The following ZC3H18 variants were observed in gnomAD, a reference collection of about 807,000 sequenced individuals.
ZC3H18 encodes zinc finger CCCH-type containing 18, also known as zinc finger CCCH domain-containing protein 18.
Under a neutral mutation model 106.1 loss-of-function variants are expected in ZC3H18, and 8 were observed. The ratio of observed to expected loss-of-function variants is 0.08; its 90% CI spans 0.04 to 0.14. The LOEUF (loss-of-function observed/expected upper bound fraction) is 0.14, where lower values mean the gene tolerates loss of function less well. Ranked by LOEUF, ZC3H18 falls within the 10% of genes least tolerant of loss-of-function variation. The pLI, the probability that ZC3H18 is intolerant of heterozygous loss-of-function variation, is 1.00. For synonymous variants in ZC3H18, 635 were observed against 522.1 expected, an observed-to-expected ratio of 1.22 and a Z score of -2.95; for missense variants, 1,318 against 1,278.4, an observed-to-expected ratio of 1.03 and a Z score of -0.47.
chr16:88,630,324 T>C, intron 16 of ZC3H18, 161 bp from the exon 17 acceptor site: 1 of 590,290 alleles, frequency 1.7e-6, no homozygotes, highest in Non-Finnish European at 3.0e-6. Context: ...ACATCTCTCT[T>C]CTCCTACTTG....
intron 1 of ZC3H18, among the ~76,000 whole-genome samples, chr16:88,572,398 G>T (rs1914465254): frequency 6.6e-6 from 1 of 151,836 alleles, no homozygotes; most frequent in Admixed American, 6.6e-5. Flanking sequence ...CCTCCTCCTG[G>T]GCACTTATTT....
At chr16:88,593,485 C>T (rs1182406927) in intron 3 of ZC3H18, among the ~76,000 whole-genome samples, 1 of 152,300 alleles carries the variant, frequency 6.6e-6, no homozygotes, top group East Asian at 1.9e-4. Context: ...TTGGAATTTT[C>T]GATTTAGTAT....
Position 88,630,500 on chromosome 16 carries a change from A to G in ZC3H18, c.2582A>G (p.Lys861Arg), listed in dbSNP as rs775493116. ...TATCACCCAGGTTCTCGGGACCGGA[A>G]GTCAGGTGGGAGACTGGGCTCCCCG... ...TSPDRGSRDR[K>R]SGGRLGSPKP... The change falls in exon 17 of 18, where the codon AAG becomes AGG. Residue 861 changes from lysine (K) to arginine (R), a missense_variant. By Grantham distance (26) the Lys-to-Arg change is conservative. Coordinates refer to ENST00000301011, the MANE Select transcript of ZC3H18 (RefSeq NM_144604.4). The G allele has an allele frequency of 4.3e-5, 69 of 1,613,372 alleles. No homozygotes were observed. Among genetic ancestry groups the G allele is most frequent in the Non-Finnish European group, 5.5e-5 (65 of 1,179,922 alleles).
chr16:88,598,092 G>GCCCCCCCCCCCCC, intron 3 of ZC3H18, 86 bp from the exon 4 acceptor site: 7 of 349,610 alleles, frequency 2.0e-5, no homozygotes, highest in Middle Eastern at 6.5e-4. Flanking sequence ...CATGGCCTCT[G>GCCCCCCCCCCCCC]CCCCCTCCCA....
At chr16:88,628,191 T>A in intron 15 of ZC3H18, 72 bp downstream of exon 15, 1 of 1,554,156 alleles carries the variant, frequency 6.4e-7, no homozygotes, top group Non-Finnish European at 8.8e-7. Flanking sequence ...TGAGACAGCT[T>A]CCTCCTGGGG....
chr16:88,574,445 A>C (rs1567573731), intron 1 of ZC3H18, among the ~76,000 whole-genome samples: 1 of 150,540 alleles, frequency 6.6e-6, no homozygotes, highest in Non-Finnish European at 1.5e-5. Context: ...CTGACTTCGG[A>C]TGATCCACCT....
chr16:88,598,410 C>CCTTA lies in ZC3H18; in HGVS notation c.837+85_837+88dup, dbSNP rs1382646750. The CCTTA allele has an allele frequency of 5.2e-6, 8 of 1,531,936 alleles. No individual in the cohort carries two copies. In the African/African-American group the frequency reaches 1.1e-4, roughly 21 times the overall value. The allele number at this position is 1,531,936 out of a possible 1,614,324, so 94.9% of individuals were successfully genotyped here. A position where few individuals can be genotyped will look rare whatever the true frequency, so the allele number is the denominator to read the frequency against. Reference sequence around the variant, plus strand: ...CTCAAGCTTAAGACAAGTCACTGTGCCTTAGCACAGGCTCAGTGCCCCCTT... The same window carrying CCTTA: ...CTCAAGCTTAAGACAAGTCACTGTGCCTTACTTAGCACAGGCTCAGTGCCCCCTT... On this transcript the variant is annotated intron_variant, in intron 4 of 17. Coordinates refer to ENST00000301011, the MANE Select transcript of ZC3H18 (RefSeq NM_144604.4).
intron 16 of ZC3H18, among the ~76,000 whole-genome samples, chr16:88,629,663 T>C (rs1328254418): frequency 6.6e-6 from 1 of 152,206 alleles, no homozygotes; most frequent in Admixed American, 6.5e-5. Context: ...ATAGTGTCTA[T>C]ATTACTGTTG....
chr16:88,602,146 C>T (rs1233649355), intron 6 of ZC3H18, among the ~76,000 whole-genome samples: 1 of 152,246 alleles, frequency 6.6e-6, no homozygotes, highest in East Asian at 1.9e-4. Flanking sequence ...CTCGGTCCTA[C>T]CTGTGCCCGC....
At position 88,627,626 on chromosome 16, in the gene ZC3H18, C is replaced by T. The variant is rs1365188141; in HGVS notation, c.2113C>T (p.Leu705=). ...GAGATGTGCTTGTGTGTCCAGGTCCCTGAGCGTGAGCAGCGTCTCCTCAGT... is the reference window on the plus strand; with the variant it reads ...GAGATGTGCTTGTGTGTCCAGGTCCTTGAGCGTGAGCAGCGTCTCCTCAGT... ...YSGSSSRSRS[L]SVSSVSSVSS... is the part of the protein sequence containing the mutation. The change falls in exon 14 of 18, where the codon CTG becomes TTG. Residue 705 remains leucine (L), a synonymous_variant. Coordinates refer to ENST00000301011, the MANE Select transcript of ZC3H18 (RefSeq NM_144604.4). This position sits in a 1 kb window ranked among gnomAD's most constrained non-coding sequence, Gnocchi z 4.5. The T allele has an allele frequency of 3.7e-6, 6 of 1,603,004 alleles. No individual in the cohort carries two copies. Among genetic ancestry groups the T allele is most frequent in the Non-Finnish European group, 1.7e-6 (2 of 1,171,394 alleles).
chr16:88,592,839 A>G (rs1915831365), intron 3 of ZC3H18, among the ~76,000 whole-genome samples: 1 of 152,232 alleles, frequency 6.6e-6, no homozygotes, highest in Non-Finnish European at 1.5e-5. Context: ...TGTAGTAGTA[A>G]GAACTGTAAT....
Position 88,624,071 on chromosome 16 carries a change from C to A in ZC3H18, c.1898+9C>A. On this transcript the variant is annotated intron_variant, in intron 11 of 17. Coordinates refer to ENST00000301011, the MANE Select transcript of ZC3H18 (RefSeq NM_144604.4). ...CCGCCCGGGAAAGCAGGGTGAGTGC[C>A]CAGCCTGTGGGCAAGTCCTGGCCGG... 1 of 1,606,040 alleles carries A rather than the reference C, an allele frequency of 6.2e-7. No individual in the cohort carries two copies. The highest frequency in any genetic ancestry group is 8.5e-7 in the Non-Finnish European group (1 of 1,176,170).
chr16:88,598,948 C>T (rs1035928050), intron 5 of ZC3H18, among the ~76,000 whole-genome samples: 2 of 152,216 alleles, frequency 1.3e-5, no homozygotes, highest in Non-Finnish European at 2.9e-5. Flanking sequence ...CAGCCTCCGC[C>T]TCCCAGGTTC....
chr16:88,591,188 TC>T (rs1017923890), intron 3 of ZC3H18, among the ~76,000 whole-genome samples: 1 of 151,894 alleles, frequency 6.6e-6, no homozygotes, highest in African/African-American at 2.4e-5. Flanking sequence ...GCCAGGATGG[TC>T]CCGATCTCCT....
chr16:88,592,741 C>T (rs565580674), intron 3 of ZC3H18, among the ~76,000 whole-genome samples: 1 of 152,242 alleles, frequency 6.6e-6, no homozygotes, highest in East Asian at 1.9e-4. Flanking sequence ...CCTCCCAAAT[C>T]GAAACTATAT....
intron 10 of ZC3H18, chr16:88,623,739 A>G: frequency 1.3e-6 from 1 of 799,308 alleles, no homozygotes; most frequent in Non-Finnish European, 1.8e-6. Context: ...CGCCTCCCGG[A>G]GGACCCGCCA....
Position 88,577,112 on chromosome 16 carries a change from C to T in ZC3H18, c.-12C>T. ...AATCTGTATTCTCTCTTTTGCAGAA[C>T]CGTGGGTACCGATGGATGTGGCCGA... On this transcript the variant is annotated splice_region_variant and 5_prime_UTR_variant, in exon 2 of 18. Transcript: ENST00000301011. The T allele has an allele frequency of 6.6e-7, 1 of 1,520,262 alleles. No individual in the cohort carries two copies. The highest frequency in any genetic ancestry group is 8.8e-7 in the Non-Finnish European group (1 of 1,133,602). 94.2% of individuals were successfully genotyped at this position (1,520,262 alleles called of 1,614,324 possible). A position where few individuals can be genotyped will look rare whatever the true frequency, so the allele number is the denominator to read the frequency against.
At chr16:88,624,436 A>G (rs1906164930) in intron 11 of ZC3H18, 166 bp from the exon 12 acceptor site, 7 of 1,122,636 alleles carry the variant, frequency 6.2e-6, no homozygotes, top group Non-Finnish European at 8.8e-6. Context: ...GTTCCCAAGC[A>G]CTCTGACACC....
intron 6 of ZC3H18, among the ~76,000 whole-genome samples, chr16:88,603,343 G>C (rs148744987): frequency 6.6e-6 from 1 of 151,342 alleles, no homozygotes; most frequent in Admixed American, 6.6e-5. Flanking sequence ...CTTTGTGGCC[G>C]GGCACGGTGG....
Sources: allele counts gnomAD v4.1 joint callset (sites outside exome capture counted in the v4.1 genomes callset), GRCh38; gene constraint gnomAD v4.1.1; non-coding constraint Gnocchi (gnomAD v3.1); transcripts MANE v1.5; gene names NCBI Gene and HGNC (gene_info 2026-07-23, HGNC 2026-07-21).